Variants in SLF1 observed in about 807,000 individuals in gnomAD.
SLF1 encodes SMC5-SMC6 complex localization factor protein 1.
SLF1 carries 105 observed loss-of-function variants against 123.0 expected under a neutral mutation model. The ratio of observed to expected loss-of-function variants is 0.85; its 90% confidence interval spans 0.73 to 1.00. SLF1 has a LOEUF of 1.00. Ranked by LOEUF, SLF1 falls within the 50% of genes least tolerant of loss-of-function variation. SLF1 has a pLI of 0.00. For missense variants in SLF1, 1,239 were observed against 1,223.0 expected (o/e 1.01, Z -0.20); for synonymous variants, 434 against 406.6 (o/e 1.07, Z -0.81).
In SLF1 at chr5:94,694,937, T is replaced by TA; in HGVS notation, c.2803dup (p.Thr935AsnfsTer19). ...TGTTTGCTATTACAAAAATAGAAGATACAGTGGAGAACTTTCATGCACAAG... is the reference window on the plus strand; with the variant it reads ...TGTTTGCTATTACAAAAATAGAAGATAACAGTGGAGAACTTTCATGCACAAG... On this transcript the variant is annotated frameshift_variant, in exon 21 of 21. Transcript: ENST00000265140. LOFTEE classifies it high-confidence loss of function. 6.2e-7 allele frequency: 1 copy of TA among 1,612,426 alleles called. No homozygotes were observed. Among genetic ancestry groups the TA allele is most frequent in the Non-Finnish European group, 8.5e-7 (1 of 1,179,058 alleles).
At chr5:94,661,251 A>C (rs1022746736) in intron 9 of SLF1, among the ~76,000 whole-genome samples, 2 of 152,170 alleles carry the variant, frequency 1.3e-5, no homozygotes, top group African/African-American at 4.8e-5. Flanking sequence ...GCAGGAATTC[A>C]TGGTGGGAAT....
chr5:94,665,864 A>T lies in SLF1; in HGVS notation c.1372A>T (p.Asn458Tyr). The T allele has an allele frequency of 6.5e-7, 1 of 1,540,380 alleles. No homozygotes were observed. The highest frequency in any genetic ancestry group is 1.2e-5 in the South Asian group (1 of 83,604). The change falls in exon 12 of 21, where the codon AAC (asparagine) becomes TAC (tyrosine). Residue 458 changes from asparagine to tyrosine, a missense_variant. Asn to Tyr is a moderately radical substitution (Grantham distance 143). Transcript: ENST00000265140. ...HALLENVLQD[N>Y]IDTFSGRYFH... ...TTTGTTTATTTTTAAATAATAGGAT[A>T]ACATAGATACATTTTCTGGTCGATA...
chr5:94,653,827 C>A (rs757699260), intron 8 of SLF1, among the ~76,000 whole-genome samples: 1 of 148,704 alleles, frequency 6.7e-6, no homozygotes, highest in Non-Finnish European at 1.5e-5. Context: ...TTGAATGCTT[C>A]TTGGGTAAAT....
chr5:94,695,167 A>G lies in SLF1; in HGVS notation c.3032A>G (p.Tyr1011Cys), dbSNP rs1257040146. The G allele has an allele frequency of 3.1e-6, 5 of 1,612,712 alleles. No individual in the cohort carries two copies. In the African/African-American group the frequency reaches 5.3e-5, roughly 17 times the overall value. The change falls in exon 21 of 21, where the codon TAT (tyrosine) becomes TGT (cysteine). Residue 1011 changes from tyrosine to cysteine, a missense_variant. Tyr to Cys is a radical substitution (Grantham distance 194). Coordinates refer to ENST00000265140, the MANE Select transcript of SLF1 (RefSeq NM_032290.4). Reference protein sequence around the residue: ...SVHTDWLLDLYAGNIKTLQKL... With the variant: ...SVHTDWLLDLCAGNIKTLQKL... ...CATACTGACTGGTTACTGGATCTTT[A>G]TGCTGGAAATATAAAGACATTGCAG...
intron 1 of SLF1, among the ~76,000 whole-genome samples, chr5:94,625,514 G>T (rs572044207): frequency 3.6e-4 from 55 of 152,038 alleles, no homozygotes; most frequent in African/African-American, 1.2e-3. Context: ...CTCCCGAGTA[G>T]CTGAGATTAC....
At chr5:94,668,416 C>T (rs1585190861) in intron 12 of SLF1, among the ~76,000 whole-genome samples, 1 of 152,158 alleles carries the variant, frequency 6.6e-6, no homozygotes, top group South Asian at 2.1e-4. Flanking sequence ...TCACTGCAAC[C>T]TCCGCCTCGC....
rs545012054 is a variant in SLF1, at chr5:94,681,945, A to G, written c.1975+2990A>G. Among the ~76,000 whole-genome samples the G allele has an allele frequency of 1.6e-3, 245 of 152,324 alleles. 1 individual carries two copies. Among genetic ancestry groups the G allele is most frequent in the African/African-American group, 5.8e-3 (240 of 41,556 alleles). On this transcript the variant is annotated intron_variant, in intron 15 of 20. Coordinates refer to ENST00000265140, the MANE Select transcript of SLF1 (RefSeq NM_032290.4). ...AGACTCTTCTCAACAACAAAAAATA[A>G]TGTTTAAAACTTTTAAATTGCCTAG...
intron 20 of SLF1, among the ~76,000 whole-genome samples, chr5:94,694,329 T>C (rs962059257): frequency 6.6e-6 from 1 of 151,902 alleles, no homozygotes; most frequent in African/African-American, 2.4e-5. Context: ...TACTAAACAT[T>C]GAACACAAGC....
chr5:94,672,434 C>T (rs1054669338), intron 14 of SLF1, among the ~76,000 whole-genome samples: 2 of 150,570 alleles, frequency 1.3e-5, no homozygotes, highest in African/African-American at 4.9e-5. Context: ...CTTGTATCTC[C>T]CTCCCTTTCT....
chr5:94,631,877 G>T (rs1024883072), intron 4 of SLF1, among the ~76,000 whole-genome samples: 4 of 152,084 alleles, frequency 2.6e-5, no homozygotes, highest in African/African-American at 9.7e-5. Flanking sequence ...CACTTTGAGA[G>T]GCCAAGGCAG....
intron 7 of SLF1, among the ~76,000 whole-genome samples, 170 bp downstream of exon 7, chr5:94,652,015 T>C (rs199945234): frequency 1.2e-5 from 1 of 82,472 alleles, no homozygotes; most frequent in African/African-American, 5.2e-5. Flanking sequence ...TTCTTTTTTC[T>C]TTTTTTTTTT....
chr5:94,627,542 A>G lies in SLF1; in HGVS notation c.1-1269A>G, dbSNP rs532194692. Among the ~76,000 whole-genome samples the G allele has an allele frequency of 2.1e-5, 3 of 145,200 alleles. No homozygotes were observed. In the South Asian group the frequency reaches 6.5e-4, roughly 32 times the overall value. On this transcript the variant is annotated intron_variant, in intron 1 of 20. Coordinates refer to ENST00000265140, the MANE Select transcript of SLF1 (RefSeq NM_032290.4). ...TTTTTTTTAAAAAGTGATTTTTTCC[A>G]AAAAGTGATTTTTTCAGTCTACCTT...
chr5:94,630,843 A>T, intron 4 of SLF1, 100 bp downstream of exon 4: 1 of 1,313,350 alleles, frequency 7.6e-7, no homozygotes, highest in Non-Finnish European at 1.0e-6. Context: ...AGCCCAAATG[A>T]GCCATGGTGA....
At chr5:94,673,691 TAAAAAAAAA>T (rs35649653) in intron 14 of SLF1, among the ~76,000 whole-genome samples, 1 of 119,754 alleles carries the variant, frequency 8.4e-6, no homozygotes, top group Non-Finnish European at 1.7e-5. Context: ...CCTTGTCTCT[TAAAAAAAAA>T]AAAAAAAAAA....
chr5:94,630,722 A>G lies in SLF1; in HGVS notation c.410A>G (p.Lys137Arg), dbSNP rs1211833087. The G allele has an allele frequency of 6.4e-7, 1 of 1,551,518 alleles. No individual in the cohort carries two copies. The highest frequency in any genetic ancestry group is 2.0e-5 in the Admixed American group (1 of 50,988). Residue 137 changes from lysine to arginine, a missense_variant, in exon 4 of 21, where the codon AAG becomes AGG. Coordinates refer to ENST00000265140, the MANE Select transcript of SLF1 (RefSeq NM_032290.4). ...GTTGTCCTCCTTGTTAGAACTGATA[A>G]GCGAAGTGATTCTCTTATAAGGTAG... Reference protein sequence around the residue: ...WKVVLLVRTDKRSDSLIRVLE... With the variant: ...WKVVLLVRTDRRSDSLIRVLE...
chr5:94,618,594 G>C (rs1791223814), upstream of SLF1: 1 of 154,472 alleles, frequency 6.5e-6, no homozygotes, highest in Non-Finnish European at 1.5e-5. Context: ...CGACGGCTCC[G>C]GAGCGTCACT....
intron 4 of SLF1, among the ~76,000 whole-genome samples, chr5:94,635,385 T>C (rs1463349437): frequency 7.5e-6 from 1 of 133,702 alleles, no homozygotes; most frequent in African/African-American, 2.8e-5. Flanking sequence ...TTTTGACCAC[T>C]CTATGTCTTT....
rs1045400185 is a variant in SLF1 at position 94,651,811 on chromosome 5, G to C, written c.848G>C (p.Arg283Thr). 3 of 1,494,894 alleles carry C rather than the reference G, an allele frequency of 2.0e-6. No individual in the cohort carries two copies. In the African/African-American group the frequency reaches 4.2e-5, roughly 21 times the overall value. 92.6% of individuals were successfully genotyped at this position (1,494,894 alleles called of 1,614,324 possible). A position where few individuals can be genotyped will look rare whatever the true frequency, so the allele number is the denominator to read the frequency against. The stretch of plus-strand genomic sequence containing the variant: ...AAAGATTTGAAATTTGTTAAAATGA[G>C]AAATACCTTTGGAAGCCATACATAT... ...SSKDLKFVKM[R>T]NTFGSHTYEN... Residue 283 changes from arginine to threonine, a missense_variant, in exon 7 of 21, where the codon AGA (arginine) becomes ACA (threonine). By Grantham distance (71) the Arg-to-Thr change is moderately conservative (BLOSUM62 -1). Transcript: ENST00000265140.
chr5:94,646,253 T>G (rs1338443690), intron 5 of SLF1, among the ~76,000 whole-genome samples: 1 of 152,128 alleles, frequency 6.6e-6, no homozygotes, highest in African/African-American at 2.4e-5. Context: ...GTCCCCCTTT[T>G]TTTTAAGGTA....
Sources: allele counts gnomAD v4.1 joint callset (sites outside exome capture counted in the v4.1 genomes callset), GRCh38; gene constraint gnomAD v4.1.1; transcripts MANE v1.5; gene names NCBI Gene and HGNC (gene_info 2026-07-23, HGNC 2026-07-21).